Variants in TEAD4 observed in about 807,000 individuals in gnomAD.
TEAD4 encodes transcriptional enhancer factor TEF-3.
In TEAD4, 36 loss-of-function variants were observed where a neutral mutation model predicts 52.4. That is an observed-to-expected ratio of 0.69 (90% CI 0.53 to 0.91). The LOEUF (loss-of-function observed/expected upper bound fraction) is 0.91. Ranked by LOEUF, TEAD4 falls within the 40% of genes least tolerant of loss-of-function variation. TEAD4 has a pLI of 0.00. For missense variants in TEAD4, 508 were observed against 583.9 expected (o/e 0.87, Z 1.34); for synonymous variants, 220 against 231.0 (o/e 0.95, Z 0.43).
At chr12:3,035,731 G>C (rs1236861426) in intron 10 of TEAD4, among the ~76,000 whole-genome samples, 3 of 150,402 alleles carry the variant, frequency 2.0e-5, no homozygotes, top group Non-Finnish European at 4.4e-5. Context: ...GAGGTGGGAA[G>C]ACTGCTTGAA....
chr12:3,005,186 A>G (rs2098254866), intron 3 of TEAD4, among the ~76,000 whole-genome samples: 1 of 152,232 alleles, frequency 6.6e-6, no homozygotes, highest in South Asian at 2.1e-4. Context: ...AGCAGCAGAG[A>G]GTAGAATGGT....
At chr12:2,993,364 G>A (rs1250897574) in intron 2 of TEAD4, among the ~76,000 whole-genome samples, 2 of 152,208 alleles carry the variant, frequency 1.3e-5, no homozygotes, top group Non-Finnish European at 2.9e-5. Flanking sequence ...TAGAGATGAA[G>A]TCTTGCTAAC....
At chr12:2,977,629 A>C (rs1395422202) in intron 2 of TEAD4, among the ~76,000 whole-genome samples, 1 of 152,238 alleles carries the variant, frequency 6.6e-6, no homozygotes, top group East Asian at 1.9e-4. Flanking sequence ...GTGATGAAAC[A>C]GAAGCTTTGG....
In TEAD4 at chr12:2,979,362, A is replaced by G. The variant is rs559208243; in HGVS notation, c.-29-15376A>G. 3.9e-5 allele frequency among the ~76,000 whole-genome samples: 6 copies of G among 152,322 alleles called. No homozygotes were observed. The East Asian group carries it at 9.7e-4, about 25-fold the overall frequency. On this transcript the variant is annotated intron_variant, in intron 2 of 12. Transcript: ENST00000359864. ...CATTCTGTGCTCAGGAACAGCAGAC[A>G]GCACTTCCGCACTATGCTTGGGACC...
intron 2 of TEAD4, among the ~76,000 whole-genome samples, chr12:2,968,027 A>T (rs558174049): frequency 5.4e-5 from 8 of 147,208 alleles, no homozygotes; most frequent in African/African-American, 2.0e-4. Flanking sequence ...TGAGCTCGCC[A>T]TTTTTGTGGG....
chr12:2,984,541 G>A (rs1012619778), intron 2 of TEAD4, among the ~76,000 whole-genome samples: 2 of 152,158 alleles, frequency 1.3e-5, no homozygotes, highest in African/African-American at 4.8e-5. Context: ...TCACGAAGGG[G>A]ATGCCTCCTG....
intron 5 of TEAD4, among the ~76,000 whole-genome samples, chr12:3,013,014 C>T (rs2098261580): frequency 6.6e-6 from 1 of 152,182 alleles, no homozygotes; most frequent in African/African-American, 2.4e-5. Flanking sequence ...TGCAGTGACG[C>T]AGTCATAGCT....
chr12:2,963,912 T>C (rs1350415178), intron 2 of TEAD4, among the ~76,000 whole-genome samples: 1 of 152,218 alleles, frequency 6.6e-6, no homozygotes, highest in African/African-American at 2.4e-5. Context: ...GGGTGGGGAC[T>C]CTGCTTCCTT....
chr12:2,996,442 C>G (rs2098247247), intron 3 of TEAD4, among the ~76,000 whole-genome samples: 1 of 147,562 alleles, frequency 6.8e-6, no homozygotes, highest in South Asian at 2.1e-4. Context: ...GAGTTTCACT[C>G]TTGTTGCCCA....
At chr12:3,014,429 A>G (rs1387840336) in intron 5 of TEAD4, among the ~76,000 whole-genome samples, 1 of 152,210 alleles carries the variant, frequency 6.6e-6, no homozygotes, top group Non-Finnish European at 1.5e-5. Flanking sequence ...AACTCCTTAA[A>G]ATATGCAAAT....
intron 3 of TEAD4, among the ~76,000 whole-genome samples, chr12:3,001,932 A>ATACAAAAT (rs2098252039): frequency 6.6e-6 from 1 of 152,158 alleles, no homozygotes; most frequent in South Asian, 2.1e-4. Flanking sequence ...TCTACTAAAA[A>ATACAAAAT]TACAAAATTA....
At chr12:2,976,434 G>A (rs1442699759) in intron 2 of TEAD4, among the ~76,000 whole-genome samples, 1 of 151,946 alleles carries the variant, frequency 6.6e-6, no homozygotes, top group East Asian at 1.9e-4. Context: ...GAGGCACCAC[G>A]AACCTGTGGC....
intron 10 of TEAD4, among the ~76,000 whole-genome samples, chr12:3,034,197 G>A (rs117453542): frequency 6.6e-6 from 1 of 152,078 alleles, no homozygotes; most frequent in African/African-American, 2.4e-5. Flanking sequence ...CCTGAGCGAT[G>A]GGAAGAGCCA....
chr12:3,030,581 C>T (rs528600915), intron 10 of TEAD4, among the ~76,000 whole-genome samples: 1 of 152,310 alleles, frequency 6.6e-6, no homozygotes, highest in East Asian at 1.9e-4. Context: ...GCCCAGCTCT[C>T]TTGTCAGCTG....
chr12:3,011,098 G>A lies in TEAD4; in HGVS notation c.291+30G>A, dbSNP rs368197924. 5.2e-4 allele frequency: 842 copies of A among 1,612,052 alleles called. 5 individuals carry two copies. The highest frequency in any genetic ancestry group is 3.3e-4 in the Middle Eastern group (2 of 6,036). On this transcript the variant is annotated intron_variant, in intron 4 of 12. Coordinates refer to ENST00000359864, the MANE Select transcript of TEAD4 (RefSeq NM_003213.4). The stretch of plus-strand genomic sequence containing the variant: ...GCCTCAAGAGACGGGTAGGGGTCCC[G>A]GGGGTGGTACCCCAGCACCAGTCTG...
intron 2 of TEAD4, chr12:2,960,440 G>A (rs1260578518): frequency 2.3e-6 from 2 of 867,656 alleles, no homozygotes; most frequent in Non-Finnish European, 2.8e-6. Flanking sequence ...GGCTTGGGAA[G>A]CTGCTGTGTT....
intron 10 of TEAD4, among the ~76,000 whole-genome samples, chr12:3,025,347 C>G (rs2098271450): frequency 6.6e-6 from 1 of 152,140 alleles, no homozygotes; most frequent in South Asian, 2.1e-4. Context: ...GGTATAACCC[C>G]TTCATTTTGT....
rs145312283 is a variant in TEAD4 at position 2,994,368 on chromosome 12, G to A, written c.-29-370G>A. Among the ~76,000 whole-genome samples, 20 of 152,276 alleles carry A rather than the reference G, an allele frequency of 1.3e-4. No homozygotes were observed. Among genetic ancestry groups the A allele is most frequent in the East Asian group, 5.8e-4 (3 of 5,176 alleles). On this transcript the variant is annotated intron_variant, in intron 2 of 12. Transcript: ENST00000359864. The surrounding 1 kb of genome is among the most constrained non-coding windows in gnomAD (Gnocchi z 4.7). ...TGGGATTACAGGCGTGAGCCACAGC[G>A]CCCGGCCTGTACCATTTTGCATTCC...
At chr12:3,009,262 T>C (rs1466935275) in intron 3 of TEAD4, among the ~76,000 whole-genome samples, 1 of 152,216 alleles carries the variant, frequency 6.6e-6, no homozygotes, top group East Asian at 1.9e-4. Context: ...ACTCTGCCTC[T>C]ACTTAAAATA....
Sources: allele counts gnomAD v4.1 joint callset (sites outside exome capture counted in the v4.1 genomes callset), GRCh38; gene constraint gnomAD v4.1.1; non-coding constraint Gnocchi (gnomAD v3.1); transcripts MANE v1.5; gene names NCBI Gene and HGNC (gene_info 2026-07-23, HGNC 2026-07-21).